Variants in RPSA2 observed in about 807,000 individuals in gnomAD.
RPSA2 encodes small ribosomal subunit protein uS2B.
At chr19:23,803,044 G>GA in the RPSA2 span, among the ~76,000 whole-genome samples, 1 of 151,690 alleles carries the variant, frequency 6.6e-6, no homozygotes, top group East Asian at 1.9e-4. Flanking sequence ...ATAACCTTGA[G>GA]AGGGGAGTGG....
chr19:23,830,109 G>T, the RPSA2 span, among the ~76,000 whole-genome samples: 1 of 151,142 alleles, frequency 6.6e-6, no homozygotes, highest in South Asian at 2.1e-4. Context: ...CACTTAATAG[G>T]TATTTTTTTT....
At chr19:23,863,746 TC>T in the RPSA2 span, among the ~76,000 whole-genome samples, 4 of 152,092 alleles carry the variant, frequency 2.6e-5, no homozygotes, top group Admixed American at 2.6e-4. Context: ...CTTACAAAAT[TC>T]CATTTACTGT....
At chr19:23,782,627 C>T in the RPSA2 span, 1 of 152,178 alleles carries the variant, frequency 6.6e-6, no homozygotes, top group Non-Finnish European at 1.5e-5. Context: ...GGTCCCTGCA[C>T]ACAGGAGTCA....
the RPSA2 span, chr19:23,827,721 G>A: frequency 1.3e-6 from 2 of 1,580,546 alleles, no homozygotes; most frequent in African/African-American, 1.3e-5. Flanking sequence ...CGCATGCGTG[G>A]CACCATTTCC....
chr19:23,814,830 T>C, the RPSA2 span, among the ~76,000 whole-genome samples: 1 of 152,018 alleles, frequency 6.6e-6, no homozygotes, highest in Non-Finnish European at 1.5e-5. Context: ...TTAAATATAT[T>C]TGTTGTTGTT....
chr19:23,830,725 A>G, the RPSA2 span, among the ~76,000 whole-genome samples: 1 of 151,976 alleles, frequency 6.6e-6, no homozygotes, highest in African/African-American at 2.4e-5. Flanking sequence ...AATGAGAACT[A>G]TTCAATTTAT....
chr19:23,795,624 A>G, the RPSA2 span, among the ~76,000 whole-genome samples: 52 of 152,068 alleles, frequency 3.4e-4, no homozygotes, highest in Admixed American at 2.9e-3. Flanking sequence ...GCAAAAAGGG[A>G]TAGCTTGACT....
At chr19:23,836,613 A>G in the RPSA2 span, among the ~76,000 whole-genome samples, 2 of 152,278 alleles carry the variant, frequency 1.3e-5, no homozygotes, top group African/African-American at 4.8e-5. Flanking sequence ...TAGTGACTGT[A>G]CTGGTTGACA....
the RPSA2 span, among the ~76,000 whole-genome samples, chr19:23,850,458 G>A: frequency 1.4e-5 from 2 of 144,022 alleles, no homozygotes; most frequent in Admixed American, 1.4e-4. Flanking sequence ...TTGCCATTAG[G>A]GAGGATTGAA....
At chr19:23,834,644 G>T in the RPSA2 span, among the ~76,000 whole-genome samples, 49 of 151,964 alleles carry the variant, frequency 3.2e-4, 2 homozygotes, top group South Asian at 9.8e-3. Context: ...ATACTATACA[G>T]CATATTTTTA....
At chr19:23,768,157 G>GA in the RPSA2 span, among the ~76,000 whole-genome samples, 122 of 151,836 alleles carry the variant, frequency 8.0e-4, no homozygotes, top group African/African-American at 2.9e-3. Context: ...GTATATTTCA[G>GA]AAAAATCTAG....
the RPSA2 span, among the ~76,000 whole-genome samples, chr19:23,777,334 C>T: frequency 1.3e-5 from 2 of 152,228 alleles, no homozygotes; most frequent in Non-Finnish European, 2.9e-5. Flanking sequence ...GGTGATGTAA[C>T]TCTCCTGCAT....
At chr19:23,834,866 A>C in the RPSA2 span, among the ~76,000 whole-genome samples, 1 of 152,120 alleles carries the variant, frequency 6.6e-6, no homozygotes, top group Admixed American at 6.5e-5. Context: ...CCAATAAGTT[A>C]AAAAATATTG....
chr19:23,759,496 A>C, the RPSA2 span, among the ~76,000 whole-genome samples: 2 of 139,728 alleles, frequency 1.4e-5, no homozygotes, highest in African/African-American at 5.3e-5. Context: ...CGGCACCTCC[A>C]GCTGCACTTT....
chr19:23,815,243 T>C, the RPSA2 span, among the ~76,000 whole-genome samples: 1 of 152,202 alleles, frequency 6.6e-6, no homozygotes, highest in African/African-American at 2.4e-5. Flanking sequence ...CTGGAAAGTT[T>C]TGTACTCATG....
chr19:23,758,968 C>T, the RPSA2 span: 2 of 608,398 alleles, frequency 3.3e-6, no homozygotes, highest in Non-Finnish European at 2.9e-6. Context: ...AGCCCAGCGT[C>T]CCTGACTGGA....
the RPSA2 span, among the ~76,000 whole-genome samples, chr19:23,869,027 A>G: frequency 1.3e-5 from 2 of 152,298 alleles, no homozygotes; most frequent in Middle Eastern, 3.4e-3. Flanking sequence ...GTTCTTGGCC[A>G]TGTTAGCTAT....
chr19:23,826,045 A>G, the RPSA2 span, among the ~76,000 whole-genome samples: 2 of 145,300 alleles, frequency 1.4e-5, no homozygotes, highest in East Asian at 2.0e-4. Context: ...AAAAAACAAA[A>G]TTTACCACAA....
chr19:23,832,594 C>A, the RPSA2 span: 1 of 1,278,044 alleles, frequency 7.8e-7, no homozygotes, highest in Non-Finnish European at 1.1e-6. Context: ...AGTCCCCATA[C>A]CTTACTACAC....
Sources: allele counts gnomAD v4.1 joint callset (sites outside exome capture counted in the v4.1 genomes callset), GRCh38; gene constraint gnomAD v4.1.1; transcripts MANE v1.5; gene names NCBI Gene and HGNC (gene_info 2026-07-23, HGNC 2026-07-21).